Variants in FTCDNL1 observed in about 807,000 individuals in gnomAD.
The protein encoded by FTCDNL1 is formiminotransferase cyclodeaminase N-terminal like, also known as formiminotransferase N-terminal subdomain-containing protein.
A neutral mutation model predicts 5.9 loss-of-function variants in FTCDNL1; 11 were observed. The observed-to-expected ratio is 1.87, with a 90% confidence interval of 1.18 to 3.10. FTCDNL1 has a LOEUF of 3.10. FTCDNL1 is among the 30% of genes most tolerant of loss of function. The pLI is 0.00. For synonymous variants in FTCDNL1, 58 were observed against 24.8 expected (o/e 2.34, Z -3.99); for missense variants, 115 against 65.5 (o/e 1.76, Z -2.61).
the FTCDNL1 span, among the ~76,000 whole-genome samples, chr2:199,688,585 G>T: frequency 6.6e-6 from 1 of 152,176 alleles, no homozygotes; most frequent in Non-Finnish European, 1.5e-5. Flanking sequence ...AAGTGGACAA[G>T]GCTGTTCCCA....
downstream of FTCDNL1, among the ~76,000 whole-genome samples, chr2:199,758,247 A>G (rs1698136780): frequency 6.6e-6 from 1 of 152,182 alleles, no homozygotes; most frequent in South Asian, 2.1e-4. Flanking sequence ...TCAGACATAT[A>G]AAACAGGCAA....
intron 3 of FTCDNL1, among the ~76,000 whole-genome samples, chr2:199,763,757 A>G (rs934487001): frequency 2.6e-5 from 4 of 152,246 alleles, no homozygotes; most frequent in Admixed American, 2.6e-4. Flanking sequence ...AGACTGGTGA[A>G]ATCCCTGTGA....
intron 3 of FTCDNL1, among the ~76,000 whole-genome samples, chr2:199,796,909 C>T (rs1700201254): frequency 6.6e-6 from 1 of 152,006 alleles, no homozygotes; most frequent in African/African-American, 2.4e-5. Context: ...CGCCTTAAGC[C>T]CTCATTGACC....
the FTCDNL1 span, among the ~76,000 whole-genome samples, chr2:199,749,150 G>A: frequency 7.2e-5 from 11 of 152,284 alleles, no homozygotes; most frequent in Middle Eastern, 0.01. Context: ...GTCTCCTAAC[G>A]GAAGGGGCAT....
At chr2:199,716,033 T>TAAAAA in the FTCDNL1 span, among the ~76,000 whole-genome samples, 5 of 108,938 alleles carry the variant, frequency 4.6e-5, no homozygotes, top group African/African-American at 1.5e-4. Context: ...TGCCTCTAGT[T>TAAAAA]AAAAAAAAAA....
At chr2:199,849,022 T>A (rs900289235) in intron 1 of FTCDNL1, 53 bp from the exon 2 acceptor site, 4 of 668,962 alleles carry the variant, frequency 6.0e-6, no homozygotes, top group African/African-American at 5.4e-5. Flanking sequence ...CATATTTTCA[T>A]GTTTTAACTA....
intron 4 of FTCDNL1, chr2:199,818,335 T>C (rs1327556780): frequency 6.6e-6 from 1 of 152,260 alleles, no homozygotes. Context: ...CTCTTCCTTT[T>C]TTCTATGACA....
the FTCDNL1 span, among the ~76,000 whole-genome samples, chr2:199,732,382 T>C: frequency 6.6e-6 from 1 of 152,228 alleles, no homozygotes; most frequent in Admixed American, 6.5e-5. Flanking sequence ...ATTCCACAAG[T>C]ATTTATCAAG....
At chr2:199,665,325 C>G in the FTCDNL1 span, among the ~76,000 whole-genome samples, 1 of 152,014 alleles carries the variant, frequency 6.6e-6, no homozygotes, top group African/African-American at 2.4e-5. Context: ...GACTGCTATC[C>G]CCAGGGAAAT....
At chr2:199,671,223 A>G in the FTCDNL1 span, among the ~76,000 whole-genome samples, 1 of 152,246 alleles carries the variant, frequency 6.6e-6, no homozygotes, top group East Asian at 1.9e-4. Context: ...ATGAAGTCAG[A>G]AAATAAATAA....
intron 3 of FTCDNL1, chr2:199,844,610 C>T: frequency 2.3e-6 from 1 of 427,114 alleles, no homozygotes; most frequent in South Asian, 6.1e-5. Flanking sequence ...TTTGTTGGTC[C>T]CCTAGTTGTT....
chr2:199,835,715 G>GA (rs1702685558), intron 3 of FTCDNL1, among the ~76,000 whole-genome samples: 1 of 152,106 alleles, frequency 6.6e-6, no homozygotes, highest in African/African-American at 2.4e-5. Flanking sequence ...CACAGTTATG[G>GA]GGCCTGAGCT....
the FTCDNL1 span, among the ~76,000 whole-genome samples, chr2:199,664,942 C>T: frequency 2.0e-5 from 3 of 152,154 alleles, no homozygotes; most frequent in Non-Finnish European, 4.4e-5. Context: ...GCCATATAAT[C>T]CTAGTCATAT....
At chr2:199,690,703 G>A in the FTCDNL1 span, among the ~76,000 whole-genome samples, 5 of 152,106 alleles carry the variant, frequency 3.3e-5, no homozygotes, top group Non-Finnish European at 7.4e-5. Context: ...ATTGAGCCCC[G>A]AGAAAGCTAG....
At chr2:199,730,335 A>T in the FTCDNL1 span, among the ~76,000 whole-genome samples, 1 of 152,208 alleles carries the variant, frequency 6.6e-6, no homozygotes, top group African/African-American at 2.4e-5. Flanking sequence ...GCAAAAATTG[A>T]CCAATGAGAT....
intron 2 of FTCDNL1, among the ~76,000 whole-genome samples, chr2:199,846,579 G>A (rs1352728368): frequency 1.3e-5 from 2 of 152,082 alleles, no homozygotes; most frequent in African/African-American, 4.8e-5. Context: ...AAACTGTTTG[G>A]GTCAAGATCT....
At chr2:199,741,587 T>A in the FTCDNL1 span, among the ~76,000 whole-genome samples, 5 of 152,174 alleles carry the variant, frequency 3.3e-5, no homozygotes. Context: ...TCCCCCTCAT[T>A]AACATTCTCT....
At chr2:199,824,116 C>A (rs1446782210) in intron 3 of FTCDNL1, among the ~76,000 whole-genome samples, 1 of 152,202 alleles carries the variant, frequency 6.6e-6, no homozygotes, top group Non-Finnish European at 1.5e-5. Context: ...GGCCAGCCTA[C>A]CTTCATCCTT....
chr2:199,681,230 G>A, the FTCDNL1 span, among the ~76,000 whole-genome samples: 71 of 152,056 alleles, frequency 4.7e-4, no homozygotes, highest in Non-Finnish European at 7.8e-4. Flanking sequence ...GAGGCAGGTG[G>A]ATCACCTGAG....
Sources: gnomAD v4.1 joint callset for allele counts (sites outside exome capture counted in the v4.1 genomes callset) on GRCh38, gnomAD v4.1.1 for gene constraint, MANE v1.5 for transcripts, NCBI Gene and HGNC (gene_info 2026-07-23, HGNC 2026-07-21) for gene names.